Variants in MACF1 observed in about 807,000 individuals in gnomAD.
MACF1 encodes microtubule-actin cross-linking factor 1.
In MACF1, 193 loss-of-function variants were observed where a neutral mutation model predicts 854.8. That is an observed-to-expected ratio of 0.23 (90% CI 0.20 to 0.25). The LOEUF is 0.25. Among genes scored for constraint, MACF1 ranks in the 10% least tolerant of loss-of-function variants. The pLI, the probability that MACF1 is intolerant of heterozygous loss-of-function variation, is 1.00. For synonymous variants in MACF1, 3,185 were observed against 3,226.7 expected (o/e 0.99, Z 0.44); for missense variants, 7,722 against 8,929.1 (o/e 0.86, Z 5.45).
At position 39,307,901 on chromosome 1, in the gene MACF1, C is replaced by CTTTT. The variant is rs34930273; in HGVS notation, c.2790-1651_2790-1648dup. Among the ~76,000 whole-genome samples the CTTTT allele has an allele frequency of 1.1e-3, 55 of 50,380 alleles. 1 individual carries two copies. The highest frequency in any genetic ancestry group is 4.8e-3 in the East Asian group (7 of 1,450). The allele number at this position is 50,380 out of a possible 152,430, so 33.1% of individuals were successfully genotyped here. A position where few individuals can be genotyped will look rare whatever the true frequency, so the allele number is the denominator to read the frequency against. ...TTATTTCTCTTTTCTTTCTTTCTTT[C>CTTTT]TTTTTTTTTTTTTTTTTTTTTGAGA... On this transcript the variant is annotated intron_variant, in intron 23 of 100. Transcript: ENST00000564288.
intron 50 of MACF1, among the ~76,000 whole-genome samples, chr1:39,368,779 G>A (rs1419325332): frequency 6.6e-6 from 1 of 152,144 alleles, no homozygotes; most frequent in Non-Finnish European, 1.5e-5. Context: ...TGGGATTACA[G>A]GCATGAGCCA....
chr1:39,233,808 T>TTTGTTTTTTTTTTTTTTTTA (rs755591226), intron 2 of MACF1, among the ~76,000 whole-genome samples: 1 of 65,772 alleles, frequency 1.5e-5, no homozygotes, highest in Non-Finnish European at 3.3e-5. Context: ...ATTTATTTTT[T>TTTGTTTTTTTTTTTTTTTTA]ATTGATAATT....
At position 39,333,629 on chromosome 1, in the gene MACF1, A is replaced by G. The variant is rs1195214735; in HGVS notation, c.7041A>G (p.Glu2347=). Residue 2347 remains glutamate, a synonymous_variant, in exon 37 of 101, where the codon GAA becomes GAG. Transcript: ENST00000564288. The part of the protein sequence containing the change: ...DSQTCESLTT[E]EVINEGLMDE... ...AGACTTGTGAGTCTTTGACAACTGAAGAAGTCATTAATGAAGGTCTGATGG... is the reference window on the plus strand; with the variant it reads ...AGACTTGTGAGTCTTTGACAACTGAGGAAGTCATTAATGAAGGTCTGATGG... 1 of 1,614,240 alleles carries G rather than the reference A, an allele frequency of 6.2e-7. No individual in the cohort carries two copies. The highest frequency in any genetic ancestry group is 2.2e-5 in the East Asian group (1 of 44,882).
chr1:39,361,152 C>A, intron 48 of MACF1, 151 bp downstream of exon 48: 1 of 859,954 alleles, frequency 1.2e-6, no homozygotes, highest in Non-Finnish European at 1.8e-6. Flanking sequence ...AAAGATATTT[C>A]TACCCAGTTG....
At chr1:39,381,424 G>T (rs1469052444) in intron 55 of MACF1, among the ~76,000 whole-genome samples, 1 of 144,028 alleles carries the variant, frequency 6.9e-6, no homozygotes, top group Non-Finnish European at 1.5e-5. Context: ...CTGGAGTACA[G>T]TGGCACAATA....
intron 16 of MACF1, 45 bp downstream of exon 16, chr1:39,292,083 A>C: frequency 6.2e-7 from 1 of 1,607,226 alleles, no homozygotes; most frequent in Non-Finnish European, 8.5e-7. Flanking sequence ...ACGTGGTTGG[A>C]ACGGATGAAA....
In MACF1 at chr1:39,244,342, C is replaced by G. The variant is rs140747567; in HGVS notation, c.172-5672C>G. On this transcript the variant is annotated intron_variant, in intron 2 of 100. Transcript: ENST00000564288. ...TGTCACCCAGGTTGGAGTGCAGTGT[C>G]GTGATCTCGGTTCACTGCAACTTCT... 2.6e-5 allele frequency among the ~76,000 whole-genome samples: 4 copies of G among 151,848 alleles called. No individual in the cohort carries two copies. The East Asian group carries it at 7.7e-4, about 29-fold the overall frequency.
intron 2 of MACF1, among the ~76,000 whole-genome samples, chr1:39,238,468 C>T (rs1417082198): frequency 1.3e-5 from 2 of 152,212 alleles, no homozygotes; most frequent in African/African-American, 4.8e-5. Context: ...CTAAGAGTGG[C>T]CCCTGCCCTT....
intron 15 of MACF1, among the ~76,000 whole-genome samples, chr1:39,288,580 G>T (rs987828642): frequency 1.3e-5 from 2 of 151,752 alleles, no homozygotes; most frequent in African/African-American, 2.4e-5. Context: ...TGGGCGGATT[G>T]TGTGAGTCCA....
intron 1 of MACF1, among the ~76,000 whole-genome samples, chr1:39,205,673 G>A (rs1490405331): frequency 2.0e-5 from 3 of 152,058 alleles, no homozygotes; most frequent in Admixed American, 1.3e-4. Context: ...GGGTGTCTGT[G>A]TTCTCTTTGA....
At chr1:39,434,031 G>C (rs1643920285) in intron 68 of MACF1, among the ~76,000 whole-genome samples, 1 of 152,184 alleles carries the variant, frequency 6.6e-6, no homozygotes, top group African/African-American at 2.4e-5. Flanking sequence ...AGTGAGCTGA[G>C]ATCGCGCCAG....
intron 2 of MACF1, among the ~76,000 whole-genome samples, chr1:39,085,851 C>T (rs1641661773): frequency 6.6e-6 from 1 of 152,198 alleles, no homozygotes; most frequent in Non-Finnish European, 1.5e-5. Context: ...TACACTGTAA[C>T]TGGACCCCCA....
chr1:39,353,336 G>C (rs1478097210), intron 44 of MACF1, 105 bp downstream of exon 44: 1 of 793,418 alleles, frequency 1.3e-6, no homozygotes. Flanking sequence ...TTCTCAGTTT[G>C]TATCTTCTTT....
intron 57 of MACF1, 103 bp downstream of exon 57, chr1:39,386,032 T>G (rs764475079): frequency 7.6e-7 from 1 of 1,320,212 alleles, no homozygotes; most frequent in African/African-American, 1.5e-5. Context: ...CTTACGTAAT[T>G]TGTAGACTCA....
At chr1:39,407,747 A>G (rs1424826857) in intron 58 of MACF1, among the ~76,000 whole-genome samples, 1 of 152,242 alleles carries the variant, frequency 6.6e-6, no homozygotes, top group Non-Finnish European at 1.5e-5. Flanking sequence ...TTCATACACC[A>G]GGTGTTGGTT....
Position 39,331,649 on chromosome 1 carries a change from A to C in MACF1, c.5061A>C (p.Ser1687=), listed in dbSNP as rs1443921434. The C allele has an allele frequency of 3.1e-6, 5 of 1,614,046 alleles. No homozygotes were observed. Among genetic ancestry groups the C allele is most frequent in the Non-Finnish European group, 4.2e-6 (5 of 1,180,030 alleles). The part of the protein sequence containing the change: ...HQGLISAWLH[S]VLESYLRTSK... ...GCCTCATTTCTGCATGGCTTCATTCAGTATTAGAGTCTTATCTTAGAACAT... is the reference window on the plus strand; with the variant it reads ...GCCTCATTTCTGCATGGCTTCATTCCGTATTAGAGTCTTATCTTAGAACAT... The change falls in exon 37 of 101, where the codon TCA becomes TCC. Residue 1687 remains serine (S), a synonymous_variant. Coordinates refer to ENST00000564288, the MANE Select transcript of MACF1 (RefSeq NM_001394062.1).
intron 58 of MACF1, chr1:39,414,293 C>G: frequency 5.6e-6 from 9 of 1,614,046 alleles, no homozygotes; most frequent in Non-Finnish European, 6.8e-6. Flanking sequence ...CTGGGAGTTT[C>G]TGCCCACACT....
At chr1:39,337,035 A>G in intron 37 of MACF1, 147 bp from the exon 38 acceptor site, 3 of 684,016 alleles carry the variant, frequency 4.4e-6, no homozygotes, top group Non-Finnish European at 7.0e-6. Flanking sequence ...TATTGATTTG[A>G]AATGACTTAA....
chr1:39,199,988 CA>C (rs1409912160), upstream of MACF1, among the ~76,000 whole-genome samples: 1 of 152,226 alleles, frequency 6.6e-6, no homozygotes, highest in Non-Finnish European at 1.5e-5. Flanking sequence ...CTGTTTACAG[CA>C]AAGTTCCTTG....
Sources: gnomAD v4.1 joint callset for allele counts (sites outside exome capture counted in the v4.1 genomes callset) on GRCh38, gnomAD v4.1.1 for gene constraint, MANE v1.5 for transcripts, NCBI Gene and HGNC (gene_info 2026-07-23, HGNC 2026-07-21) for gene names.